Variants in GP6 observed in about 807,000 individuals in gnomAD.
The protein encoded by GP6 is platelet glycoprotein VI.
Under a neutral mutation model 37.3 loss-of-function variants are expected in GP6, and 45 were observed. The ratio of observed to expected loss-of-function variants is 1.21; its 90% CI spans 0.95 to 1.55. GP6 has a LOEUF of 1.55. GP6 is among the 40% of genes most tolerant of loss of function. The pLI is 0.00. For synonymous variants in GP6, 340 were observed against 316.4 expected (o/e 1.07, Z -0.79); for missense variants, 813 against 760.2 (o/e 1.07, Z -0.82).
chr19:55,027,731 G>C lies in GP6; in HGVS notation c.457C>G (p.Pro153Ala), dbSNP rs1464169367. The C allele has an allele frequency of 6.2e-7, 1 of 1,613,908 alleles. No homozygotes were observed. The highest frequency in any genetic ancestry group is 8.5e-7 in the Non-Finnish European group (1 of 1,179,754). ...TACCATCTCTCGGGATTCTTGTAGGGCGCAGGGTCCCCTTCCTTGTACAGA... is the reference window on the plus strand; with the variant it reads ...TACCATCTCTCGGGATTCTTGTAGGCCGCAGGGTCCCCTTCCTTGTACAGA... The change falls in exon 4 of 8, where the codon CCC becomes GCC. Residue 153 changes from proline (P) to alanine (A), a missense_variant. By Grantham distance (27) the Pro-to-Ala change is conservative (BLOSUM62 -1). Transcript: ENST00000310373.
chr19:55,033,913 G>A (rs2074709782), intron 1 of GP6, among the ~76,000 whole-genome samples: 2 of 152,010 alleles, frequency 1.3e-5, no homozygotes, highest in African/African-American at 2.4e-5. Context: ...TACATGATAG[G>A]ATATAATATA....
chr19:55,027,994 C>A lies in GP6; in HGVS notation c.326-132G>T. On this transcript the variant is annotated intron_variant, in intron 3 of 7. Coordinates refer to ENST00000310373, the MANE Select transcript of GP6 (RefSeq NM_001083899.2). ...CCCTCCCAGAGAGCGCACTCCCCCA[C>A]CCAAGCTCACAGAGAGGTCGAGTCA... is the stretch of plus-strand genomic sequence containing the variant. The A allele has an allele frequency of 4.6e-6, 4 of 861,696 alleles. No homozygotes were observed. The Middle Eastern group carries it at 9.5e-4, about 205-fold the overall frequency. The allele number at this position is 861,696 out of a possible 1,614,324, so 53.4% of individuals were successfully genotyped here.
rs772006921 is a variant in GP6 at position 55,014,891 on chromosome 19, T to G, written c.1054A>C (p.Arg352=). ...CGCCTCCCATGCCATGATCCCTCCC[T>G]TGGATACGACCGTGCCTGGGGTTCA... is the stretch of plus-strand genomic sequence containing the variant. The change falls in exon 8 of 8, where the codon AGG becomes CGG. Residue 352 remains arginine, a synonymous_variant. Transcript: ENST00000310373. 1 of 1,613,852 alleles carries G rather than the reference T, an allele frequency of 6.2e-7. No individual in the cohort carries two copies. Among genetic ancestry groups the G allele is most frequent in the South Asian group, 1.1e-5 (1 of 91,074 alleles).
At position 55,014,367 on chromosome 19, in the gene GP6, T is replaced by A. The variant is rs771458181; in HGVS notation, c.1578A>T (p.Leu526=). Reference sequence around the variant, plus strand: ...ATGTGAAGGGAAGCGGGCAACGTGCTAGTTTTACACTAAGGAAAATGAATG... The same window carrying A: ...ATGTGAAGGGAAGCGGGCAACGTGCAAGTTTTACACTAAGGAAAATGAATG... The change falls in exon 8 of 8, where the codon CTA becomes CTT. Residue 526 remains leucine, a synonymous_variant. Coordinates refer to ENST00000310373, the MANE Select transcript of GP6 (RefSeq NM_001083899.2). 5 of 1,613,178 alleles carry A rather than the reference T, an allele frequency of 3.1e-6. No homozygotes were observed. In the East Asian group the frequency reaches 6.7e-5, roughly 22 times the overall value.
At position 55,014,996 on chromosome 19, in the gene GP6, GA is replaced by G; in HGVS notation, c.948del (p.Ala318LeufsTer24). ...CCCCGTTTGATTTCCGGGTCAGCGG[GA>G]GGGGCGGGAGGGGCGGAAGCGGCCT... On this transcript the variant is annotated frameshift_variant, in exon 8 of 8. Transcript: ENST00000310373. LOFTEE classifies it low-confidence loss of function (END_TRUNC). 1 of 1,610,080 alleles carries G rather than the reference GA, an allele frequency of 6.2e-7. No homozygotes were observed. Among genetic ancestry groups the G allele is most frequent in the Non-Finnish European group, 8.5e-7 (1 of 1,178,604 alleles).
chr19:55,019,300 G>A (rs11670008), intron 5 of GP6, among the ~76,000 whole-genome samples: 13,511 of 151,578 alleles, frequency 0.089, 641 homozygotes, highest in African/African-American at 0.11. Context: ...TAGTAGAGGC[G>A]GGGTTTCACC....
At position 55,014,273 on chromosome 19, in the gene GP6, T is replaced by G; in HGVS notation, c.1672A>C (p.Lys558Gln). 1 of 1,255,336 alleles carries G rather than the reference T, an allele frequency of 8.0e-7. No homozygotes were observed. 77.8% of individuals were successfully genotyped at this position (1,255,336 alleles called of 1,614,324 possible). ...GATGCACCACCACACCTGGCTAATT[T>G]TTGTGTTTTTTTGTTTTGTTGGTAG... is the stretch of plus-strand genomic sequence containing the variant. Residue 558 changes from lysine (K) to glutamine (Q), a missense_variant, in exon 8 of 8, where the codon AAA (lysine) becomes CAA (glutamine). Coordinates refer to ENST00000310373, the MANE Select transcript of GP6 (RefSeq NM_001083899.2).
chr19:55,016,254 T>C (rs1408096735), intron 6 of GP6, among the ~76,000 whole-genome samples: 1 of 152,114 alleles, frequency 6.6e-6, no homozygotes, highest in Non-Finnish European at 1.5e-5. Flanking sequence ...TGTGAGCCAG[T>C]TCCCCATGTG....
At chr19:55,015,375 C>A (rs890468926) in intron 7 of GP6, among the ~76,000 whole-genome samples, 1 of 152,214 alleles carries the variant, frequency 6.6e-6, no homozygotes, top group Admixed American at 6.5e-5. Context: ...TGTGCTCTCA[C>A]AGGGCTCTGA....
intron 1 of GP6, among the ~76,000 whole-genome samples, chr19:55,035,121 A>C (rs1193877915): frequency 1.3e-5 from 2 of 152,184 alleles, no homozygotes; most frequent in African/African-American, 2.4e-5. Flanking sequence ...CACCATTATC[A>C]GTCCCCTCTT....
intron 5 of GP6, among the ~76,000 whole-genome samples, chr19:55,021,761 C>G (rs2074095764): frequency 6.6e-6 from 1 of 151,984 alleles, no homozygotes; most frequent in South Asian, 2.1e-4. Context: ...ACCTTGTGAT[C>G]TGCCTGCCTC....
In GP6 at chr19:55,031,217, A is replaced by G. The variant is rs150670525; in HGVS notation, c.325+922T>C. Among the ~76,000 whole-genome samples, 163 of 152,294 alleles carry G rather than the reference A, an allele frequency of 1.1e-3. 8 individuals are homozygous for G. The East Asian group carries it at 0.029, about 28-fold the overall frequency. ...AGGGGATCCTGGGTGAAATATTTCC[A>G]TTAATATTATCTTTGGAACTTTTCT... On this transcript the variant is annotated intron_variant, in intron 3 of 7. Transcript: ENST00000310373.
Position 55,025,225 on chromosome 19 carries a change from C to T in GP6, c.657G>A (p.Pro219=), listed in dbSNP as rs557946250. ...GGACCCTGCAGAACCTACCTGCTAC[C>T]GGGGAAGGTGGTTCTGTTGGTAACC... The change falls in exon 5 of 8, where the codon CCG becomes CCA. Residue 219 remains proline (P), a synonymous_variant. Transcript: ENST00000310373. 6.5e-6 allele frequency: 10 copies of T among 1,540,266 alleles called. No individual in the cohort carries two copies. The East Asian group carries it at 1.2e-4, about 19-fold the overall frequency.
chr19:55,017,119 A>AT (rs11433534), intron 6 of GP6, among the ~76,000 whole-genome samples: 82,043 of 144,476 alleles, frequency 0.57, 23,265 homozygotes, highest in East Asian at 0.72. Context: ...AAGTAAAGCG[A>AT]TTTTTTTTTT....
chr19:55,024,304 A>ACACACACGCACGCACG (rs1568612810), intron 5 of GP6, among the ~76,000 whole-genome samples: 2 of 75,738 alleles, frequency 2.6e-5, no homozygotes, highest in Non-Finnish European at 5.6e-5. Context: ...ACGCATGCAC[A>ACACACACGCACGCACG]CACATATGCA....
At chr19:55,024,631 G>A (rs535803678) in intron 5 of GP6, among the ~76,000 whole-genome samples, 4 of 152,230 alleles carry the variant, frequency 2.6e-5, no homozygotes, top group South Asian at 2.1e-4. Flanking sequence ...GGGATAACAC[G>A]CCTCACACAA....
In GP6 at chr19:55,031,144, A is replaced by G. The variant is rs75597447; in HGVS notation, c.325+995T>C. Among the ~76,000 whole-genome samples, 1,299 of 152,354 alleles carry G rather than the reference A, an allele frequency of 8.5e-3. 20 individuals carry two copies. Among genetic ancestry groups the G allele is most frequent in the African/African-American group, 0.029 (1,226 of 41,592 alleles). On this transcript the variant is annotated intron_variant, in intron 3 of 7. Transcript: ENST00000310373. ...ATTACAGGTGTAAACCACTGGGACC[A>G]GTGCTACGTTTATTTTTTGGTTGTA...
chr19:55,034,149 C>CGTGTGTGTGT (rs1568646806), intron 1 of GP6, among the ~76,000 whole-genome samples: 34 of 72,010 alleles, frequency 4.7e-4, no homozygotes, highest in East Asian at 1.1e-3. Context: ...TATATGTATG[C>CGTGTGTGTGT]ATGTGTGTGT....
intron 3 of GP6, among the ~76,000 whole-genome samples, chr19:55,028,932 C>T (rs1020253927): frequency 2.0e-5 from 3 of 151,854 alleles, no homozygotes; most frequent in Non-Finnish European, 4.4e-5. Flanking sequence ...CCCAGGAAGG[C>T]GAGGCTGCAG....
Sources: gnomAD v4.1 joint callset for allele counts (sites outside exome capture counted in the v4.1 genomes callset) on GRCh38, gnomAD v4.1.1 for gene constraint, MANE v1.5 for transcripts, NCBI Gene and HGNC (gene_info 2026-07-23, HGNC 2026-07-21) for gene names.